The following MAT2A variants were observed in gnomAD, a reference collection of about 807,000 sequenced individuals.
MAT2A encodes the protein S-adenosylmethionine synthase isoform type-2.
A neutral mutation model predicts 43.9 loss-of-function variants in MAT2A; 3 were observed. The ratio of observed to expected loss-of-function variants is 0.07; its 90% CI spans 0.03 to 0.18. The LOEUF (loss-of-function observed/expected upper bound fraction) is 0.18, where lower values mean the gene tolerates loss of function less well. MAT2A is among the 10% of genes least tolerant of loss of function. MAT2A has a pLI of 1.00. For missense variants in MAT2A, 204 were observed against 489.0 expected, an observed-to-expected ratio of 0.42 and a Z score of 5.50; for synonymous variants, 200 against 168.4, an observed-to-expected ratio of 1.19 and a Z score of -1.45.
At chr2:85,541,500 C>A (rs1691476802) in intron 3 of MAT2A, 123 bp downstream of exon 3, 1 of 1,342,194 alleles carries the variant, frequency 7.5e-7, no homozygotes, top group Non-Finnish European at 1.0e-6. Flanking sequence ...AAGCCCTATT[C>A]TGTTCATTCT....
intron 8 of MAT2A, 84 bp downstream of exon 8, chr2:85,543,118 T>G: frequency 5.6e-6 from 8 of 1,424,240 alleles, no homozygotes; most frequent in Non-Finnish European, 7.6e-6. Flanking sequence ...GAGGTGAAGG[T>G]GTGAAGGAAG....
chr2:85,541,195 GAT>G, intron 2 of MAT2A, 35 bp downstream of exon 2: 2 of 1,612,276 alleles, frequency 1.2e-6, no homozygotes, highest in African/African-American at 2.7e-5. Context: ...CTGGTGGAAA[GAT>G]AGCATAAAAA....
chr2:85,544,237 A>G lies in MAT2A; in HGVS notation c.*465A>G, dbSNP rs1691551628. ...AATTTGTAATGTCTTGAGCTCTATTATGAATGTGAAGCCTTCCCCTTATCC... is the reference window on the plus strand; with the variant it reads ...AATTTGTAATGTCTTGAGCTCTATTGTGAATGTGAAGCCTTCCCCTTATCC... On this transcript the variant is annotated 3_prime_UTR_variant, in exon 9 of 9. Coordinates refer to ENST00000306434, the MANE Select transcript of MAT2A (RefSeq NM_005911.6). The G allele has an allele frequency of 1.3e-5, 2 of 152,930 alleles. No homozygotes were observed. 9.5% of individuals were successfully genotyped at this position (152,930 alleles called of 1,614,324 possible).
At position 85,541,488 on chromosome 2, in the gene MAT2A, C is replaced by T. The variant is rs1039589546; in HGVS notation, c.292+111C>T. ...AACTCCAGTTGTATCTTACTATACA[C>T]TAAGCCCTATTCTGTTCATTCTCTA... On this transcript the variant is annotated intron_variant, in intron 3 of 8. Transcript: ENST00000306434. The T allele has an allele frequency of 2.7e-5, 38 of 1,386,888 alleles. No individual in the cohort carries two copies. In the Admixed American group the frequency reaches 7.1e-4, roughly 26 times the overall value. 85.9% of individuals were successfully genotyped at this position (1,386,888 alleles called of 1,614,324 possible).
intron 5 of MAT2A, 24 bp downstream of exon 5, chr2:85,541,996 G>A: frequency 3.1e-6 from 5 of 1,606,970 alleles, no homozygotes; most frequent in Non-Finnish European, 4.3e-6. Context: ...ATAAAGCTTG[G>A]TTGTCTCATT....
Position 85,539,223 on chromosome 2 carries a change from T to A in MAT2A, c.-65T>A. The A allele has an allele frequency of 8.3e-7, 1 of 1,212,016 alleles. No homozygotes were observed. Among genetic ancestry groups the A allele is most frequent in the Non-Finnish European group, 1.2e-6 (1 of 842,512 alleles). The allele number at this position is 1,212,016 out of a possible 1,614,324, so 75.1% of individuals were successfully genotyped here. A position where few individuals can be genotyped will look rare whatever the true frequency, so the allele number is the denominator to read the frequency against. ...TAGAACGCTGTCCGCAGCTTGCGCA[T>A]TTCGCAGCCGCTGCCGCCTCGCCGC... On this transcript the variant is annotated 5_prime_UTR_variant, in exon 1 of 9. Coordinates refer to ENST00000306434, the MANE Select transcript of MAT2A (RefSeq NM_005911.6).
chr2:85,539,569 C>T (rs1172563480), intron 1 of MAT2A, 191 bp downstream of exon 1: 5 of 480,646 alleles, frequency 1.0e-5, no homozygotes, highest in African/African-American at 4.2e-5. Flanking sequence ...CCTCTTCCCC[C>T]TCCCCTCTCC....
rs1691569941 is a variant in MAT2A, at chr2:85,544,631, CTG to C, written c.*861_*862del. The C allele has an allele frequency of 2.0e-5, 3 of 152,622 alleles. No individual in the cohort carries two copies. Among genetic ancestry groups the C allele is most frequent in the Admixed American group, 1.3e-4 (2 of 15,278 alleles). 9.5% of individuals were successfully genotyped at this position (152,622 alleles called of 1,614,324 possible). ...AAGTCACAGGGCAGTACCTGAGGGT[CTG>C]TAGGTTGCACACTTTGGTACCAGAT... On this transcript the variant is annotated 3_prime_UTR_variant, in exon 9 of 9. Coordinates refer to ENST00000306434, the MANE Select transcript of MAT2A (RefSeq NM_005911.6).
Position 85,539,304 on chromosome 2 carries a change from A to G in MAT2A, c.17A>G (p.Asn6Ser), listed in dbSNP as rs779310038. 1.9e-6 allele frequency: 3 copies of G among 1,605,590 alleles called. No homozygotes were observed. Among genetic ancestry groups the G allele is most frequent in the Non-Finnish European group, 2.5e-6 (3 of 1,176,578 alleles). Residue 6 changes from asparagine (N) to serine (S), a missense_variant, in exon 1 of 9, where the codon AAC (asparagine) becomes AGC (serine). Asn to Ser is a conservative substitution (Grantham distance 46, BLOSUM62 1). Coordinates refer to ENST00000306434, the MANE Select transcript of MAT2A (RefSeq NM_005911.6). MNGQL[N>S]GFHEAFIEEG... Reference sequence around the variant, plus strand: ...GACACCAACATGAACGGACAGCTCAACGGCTTCCACGAGGCGTTCATCGAG... The same window carrying G: ...GACACCAACATGAACGGACAGCTCAGCGGCTTCCACGAGGCGTTCATCGAG...
chr2:85,541,418 G>C, intron 3 of MAT2A, 41 bp downstream of exon 3: 1 of 1,599,638 alleles, frequency 6.3e-7, no homozygotes, highest in Non-Finnish European at 8.5e-7. Context: ...CTAGGTAACA[G>C]CTGTGAGGTT....
At position 85,539,182 on chromosome 2, in the gene MAT2A, G is replaced by T. The variant is rs1481989560; in HGVS notation, c.-106G>T. On this transcript the variant is annotated 5_prime_UTR_variant, in exon 1 of 9. Transcript: ENST00000306434. ...CCCGCTGCTTCGTTCGCTCCGCGCC[G>T]CCCGCCTGCTACGAGTAGAACGCTG... 6.5e-5 allele frequency: 52 copies of T among 804,910 alleles called. No individual in the cohort carries two copies. Among genetic ancestry groups the T allele is most frequent in the Non-Finnish European group, 9.2e-5 (46 of 502,576 alleles). The allele number at this position is 804,910 out of a possible 1,614,324, so 49.9% of individuals were successfully genotyped here.
chr2:85,543,993 T>A lies in MAT2A; in HGVS notation c.*221T>A, dbSNP rs1411469041. On this transcript the variant is annotated 3_prime_UTR_variant, in exon 9 of 9. Coordinates refer to ENST00000306434, the MANE Select transcript of MAT2A (RefSeq NM_005911.6). ...TGTTTTGTTCACCATTATAATGAAT[T>A]TAGTGAGCATAGGTGATCCATGTAA... 1 of 451,122 alleles carries A rather than the reference T, an allele frequency of 2.2e-6. No individual in the cohort carries two copies. Among genetic ancestry groups the A allele is most frequent in the African/African-American group, 2.0e-5 (1 of 49,824 alleles). 27.9% of individuals were successfully genotyped at this position (451,122 alleles called of 1,614,324 possible). A position where few individuals can be genotyped will look rare whatever the true frequency, so the allele number is the denominator to read the frequency against.
rs780304998 is a variant in MAT2A, at chr2:85,539,398, C to G, written c.91+20C>G. 31 of 1,583,282 alleles carry G rather than the reference C, an allele frequency of 2.0e-5. No individual in the cohort carries two copies. Among genetic ancestry groups the G allele is most frequent in the African/African-American group, 2.8e-5 (2 of 72,376 alleles). On this transcript the variant is annotated intron_variant, in intron 1 of 8. Coordinates refer to ENST00000306434, the MANE Select transcript of MAT2A (RefSeq NM_005911.6). ...ACCCAGGTGAGGGGACGGCCTGAAG[C>G]GAAGCGTGGGGCGGGGCAGAAGGCA...
In MAT2A at chr2:85,541,763, C is replaced by T; in HGVS notation, c.405+18C>T. On this transcript the variant is annotated intron_variant, in intron 4 of 8. Transcript: ENST00000306434. ...GAGACCAGGTATCTTGGTGTAGAGG[C>T]TGTTTTAATCTCTTCTAACATTAAA... is the stretch of plus-strand genomic sequence containing the variant. The T allele has an allele frequency of 6.2e-7, 1 of 1,613,044 alleles. No individual in the cohort carries two copies. The highest frequency in any genetic ancestry group is 8.5e-7 in the Non-Finnish European group (1 of 1,179,114).
At chr2:85,541,019 G>A (rs1338265889) in intron 1 of MAT2A, 64 bp from the exon 2 acceptor site, 3 of 1,033,566 alleles carry the variant, frequency 2.9e-6, no homozygotes, top group African/African-American at 1.6e-5. Context: ...GAGGGAGCTT[G>A]CATACATACA....
chr2:85,539,443 T>C, intron 1 of MAT2A, 65 bp downstream of exon 1: 5 of 1,339,052 alleles, frequency 3.7e-6, no homozygotes, highest in Non-Finnish European at 5.1e-6. Context: ...TCCGGCTGGC[T>C]GCGGCCGGCC....
At chr2:85,540,746 C>T (rs766724971) in intron 1 of MAT2A, among the ~76,000 whole-genome samples, 33 of 152,054 alleles carry the variant, frequency 2.2e-4, no homozygotes, top group Non-Finnish European at 4.7e-4. Context: ...ATTGGTGTTC[C>T]TTAAGATTAG....
chr2:85,540,654 A>C (rs537662800), intron 1 of MAT2A, among the ~76,000 whole-genome samples: 1 of 152,330 alleles, frequency 6.6e-6, no homozygotes, highest in South Asian at 2.1e-4. Context: ...AACTCCTAAC[A>C]GCAAAATCAG....
intron 8 of MAT2A, chr2:85,543,290 T>A: frequency 2.2e-6 from 1 of 463,076 alleles, no homozygotes; most frequent in Non-Finnish European, 3.9e-6. Context: ...TGTGCTCTTC[T>A]ACTTAAGGGT....
Sources: allele counts gnomAD v4.1 joint callset (sites outside exome capture counted in the v4.1 genomes callset), GRCh38; gene constraint gnomAD v4.1.1; transcripts MANE v1.5; gene names NCBI Gene and HGNC (gene_info 2026-07-23, HGNC 2026-07-21).